Variants in PTPN14 observed in about 807,000 individuals in gnomAD.
PTPN14 encodes the protein tyrosine-protein phosphatase non-receptor type 14.
A neutral mutation model predicts 126.8 loss-of-function variants in PTPN14; 53 were observed. The observed-to-expected ratio is 0.42, with a 90% CI of 0.34 to 0.53. PTPN14 has a LOEUF of 0.53. Among genes scored for constraint, PTPN14 ranks in the 20% least tolerant of loss-of-function variants. The pLI is 0.08. For synonymous variants in PTPN14, 630 were observed against 599.3 expected (o/e 1.05, Z -0.75); for missense variants, 1,257 against 1,552.9 (o/e 0.81, Z 3.20).
intron 1 of PTPN14, among the ~76,000 whole-genome samples, chr1:214,539,845 G>GCACT (rs1553276876): frequency 6.6e-6 from 1 of 151,204 alleles, no homozygotes; most frequent in Non-Finnish European, 1.5e-5. Context: ...ACCTAACCTG[G>GCACT]CACTCAGAAA....
In PTPN14 at chr1:214,357,701, CATT is replaced by C; in HGVS notation, c.*218_*220del. On this transcript the variant is annotated 3_prime_UTR_variant, in exon 19 of 19. Coordinates refer to ENST00000366956, the MANE Select transcript of PTPN14 (RefSeq NM_005401.5). ...AAGTACTATATTACTAGGGAAACTGCATTATAATAATTCACAAAAGTTATTCCA... is the reference window on the plus strand; with the variant it reads ...AAGTACTATATTACTAGGGAAACTGCATAATAATTCACAAAAGTTATTCCA... 1 of 428,864 alleles carries C rather than the reference CATT, an allele frequency of 2.3e-6. No homozygotes were observed. The highest frequency in any genetic ancestry group is 4.2e-6 in the Non-Finnish European group (1 of 236,496). The allele number at this position is 428,864 out of a possible 1,614,324, so 26.6% of individuals were successfully genotyped here. A position where few individuals can be genotyped will look rare whatever the true frequency, so the allele number is the denominator to read the frequency against.
At chr1:214,426,030 CGCAA>C (rs1659654468) in intron 3 of PTPN14, among the ~76,000 whole-genome samples, 1 of 10,204 alleles carries the variant, frequency 9.8e-5, no homozygotes, top group South Asian at 2.1e-3. Context: ...GAGCATAAAT[CGCAA>C]AAAAAAAAAA....
chr1:214,551,144 C>T (rs1482598641), intron 1 of PTPN14, 39 bp downstream of exon 1: 1 of 152,294 alleles, frequency 6.6e-6, no homozygotes, highest in African/African-American at 2.4e-5. Flanking sequence ...AAGGCGGCCT[C>T]CAACCTCGGG....
chr1:214,532,585 G>A, intron 1 of PTPN14: 1 of 1,041,538 alleles, frequency 9.6e-7, no homozygotes, highest in East Asian at 2.4e-5. Flanking sequence ...GATCATCGAG[G>A]ACCTGAGGGC....
chr1:214,370,451 C>A (rs947880234), intron 16 of PTPN14, among the ~76,000 whole-genome samples: 2 of 151,996 alleles, frequency 1.3e-5, no homozygotes, highest in African/African-American at 4.8e-5. Flanking sequence ...TTAAACAAGG[C>A]GGGAAGGGGT....
chr1:214,464,832 C>T lies in PTPN14; in HGVS notation c.-29G>A, dbSNP rs1172373478. The stretch of plus-strand genomic sequence containing the variant: ...TATGTGGTCCTCGGACGCCGCCCGC[C>T]TATCCTGGCGCACACGCCCCTGAGA... On this transcript the variant is annotated 5_prime_UTR_variant, in exon 2 of 19. Transcript: ENST00000366956. 11 of 1,609,374 alleles carry T rather than the reference C, an allele frequency of 6.8e-6. No individual in the cohort carries two copies. The highest frequency in any genetic ancestry group is 9.4e-6 in the Non-Finnish European group (11 of 1,176,180).
Position 214,374,420 on chromosome 1 carries a change from C to T in PTPN14, c.2908-1581G>A, listed in dbSNP as rs148448798. ...AAACATTAGCCTCTCTGGCACCCAA[C>T]GTATAGGAAACATAAATACTTCCAG... On this transcript the variant is annotated intron_variant, in intron 15 of 18. Transcript: ENST00000366956. 5.2e-3 allele frequency among the ~76,000 whole-genome samples: 792 copies of T among 152,296 alleles called. 6 individuals are homozygous for T. Among genetic ancestry groups the T allele is most frequent in the African/African-American group, 0.018 (746 of 41,576 alleles).
intron 16 of PTPN14, among the ~76,000 whole-genome samples, chr1:214,370,452 G>A (rs1399986138): frequency 4.6e-5 from 7 of 152,090 alleles, no homozygotes; most frequent in East Asian, 3.9e-4. Context: ...TAAACAAGGC[G>A]GGAAGGGGTT....
intron 1 of PTPN14, among the ~76,000 whole-genome samples, chr1:214,474,108 G>T (rs1357835915): frequency 6.6e-6 from 1 of 152,104 alleles, no homozygotes; most frequent in African/African-American, 2.4e-5. Context: ...CCACGTAAAT[G>T]ACCTTTCAAG....
intron 2 of PTPN14, among the ~76,000 whole-genome samples, chr1:214,455,658 C>T (rs1291941342): frequency 2.6e-5 from 4 of 152,274 alleles, no homozygotes; most frequent in African/African-American, 4.8e-5. Flanking sequence ...AAATGCACTA[C>T]GATGAAACCA....
Position 214,352,821 on chromosome 1 carries a change from T to C in PTPN14, c.*5101A>G, listed in dbSNP as rs1657730872. The C allele has an allele frequency of 6.6e-6, 1 of 152,116 alleles. No homozygotes were observed. The highest frequency in any genetic ancestry group is 1.5e-5 in the Non-Finnish European group (1 of 68,022). The allele number at this position is 152,116 out of a possible 1,614,324, so 9.4% of individuals were successfully genotyped here. Reference sequence around the variant, plus strand: ...CTGCTCATGAAAAGAAATCACTAAATAAGAGCATGATGAGTGTCTCAAAAC... The same window carrying C: ...CTGCTCATGAAAAGAAATCACTAAACAAGAGCATGATGAGTGTCTCAAAAC... On this transcript the variant is annotated 3_prime_UTR_variant, in exon 19 of 19. Transcript: ENST00000366956.
intron 3 of PTPN14, among the ~76,000 whole-genome samples, chr1:214,435,028 C>T (rs148808612): frequency 6.6e-6 from 1 of 152,322 alleles, no homozygotes; most frequent in African/African-American, 2.4e-5. Context: ...TTGTATTGGG[C>T]TGCATTCAAA....
At chr1:214,452,327 T>A (rs1660290437) in intron 2 of PTPN14, among the ~76,000 whole-genome samples, 1 of 152,192 alleles carries the variant, frequency 6.6e-6, no homozygotes, top group Non-Finnish European at 1.5e-5. Context: ...TGCTTCATGA[T>A]CTCACATGGA....
chr1:214,509,274 G>T (rs1654913336), intron 1 of PTPN14, among the ~76,000 whole-genome samples: 1 of 152,308 alleles, frequency 6.6e-6, no homozygotes, highest in East Asian at 1.9e-4. Context: ...AGATCTTCTG[G>T]ATAACTTGCT....
chr1:214,540,689 C>T (rs1655813998), intron 1 of PTPN14, among the ~76,000 whole-genome samples: 2 of 152,044 alleles, frequency 1.3e-5, no homozygotes, highest in South Asian at 4.1e-4. Context: ...GAAGCTACTC[C>T]ATGGTGATGG....
intron 18 of PTPN14, among the ~76,000 whole-genome samples, chr1:214,362,417 C>T (rs988241932): frequency 6.6e-6 from 1 of 152,232 alleles, no homozygotes; most frequent in Non-Finnish European, 1.5e-5. Context: ...TGAGGAAATC[C>T]GCTATGTTTG....
chr1:214,515,002 T>C (rs1342440911), intron 1 of PTPN14, among the ~76,000 whole-genome samples: 1 of 152,152 alleles, frequency 6.6e-6, no homozygotes, highest in Non-Finnish European at 1.5e-5. Context: ...TCTCTCTCCA[T>C]CATCCACTGC....
In PTPN14 at chr1:214,484,325, A is replaced by G. The variant is rs558882502; in HGVS notation, c.-154-19368T>C. 1.2e-3 allele frequency among the ~76,000 whole-genome samples: 181 copies of G among 152,332 alleles called. 1 individual carries two copies. Among genetic ancestry groups the G allele is most frequent in the African/African-American group, 4.1e-3 (169 of 41,586 alleles). On this transcript the variant is annotated intron_variant, in intron 1 of 18. Transcript: ENST00000366956. ...AAGCTGGGGCAAGAGAATAGCTTGT[A>G]TCTGGGAGATCAAGGCTGCAATGAG...
At chr1:214,420,986 A>G (rs1024205420) in intron 3 of PTPN14, among the ~76,000 whole-genome samples, 2 of 152,238 alleles carry the variant, frequency 1.3e-5, no homozygotes, top group Non-Finnish European at 2.9e-5. Context: ...ATGACTTGGG[A>G]AAGTTTTTCA....
Sources: allele counts gnomAD v4.1 joint callset (sites outside exome capture counted in the v4.1 genomes callset), GRCh38; gene constraint gnomAD v4.1.1; transcripts MANE v1.5; gene names NCBI Gene and HGNC (gene_info 2026-07-23, HGNC 2026-07-21).